Variants in C8orf90 observed in about 807,000 individuals in gnomAD.
The protein encoded by C8orf90 is uncharacterized protein C8orf90.
the C8orf90 span, among the ~76,000 whole-genome samples, chr8:141,515,155 G>A: frequency 3.2e-3 from 237 of 74,112 alleles, no homozygotes; most frequent in Admixed American, 7.9e-3. Context: ...GGCAGTGGGA[G>A]GGGCAGCCAG....
the C8orf90 span, chr8:141,518,571 C>T: frequency 2.3e-6 from 1 of 426,650 alleles, no homozygotes; most frequent in Non-Finnish European, 4.0e-6. Context: ...GCTGCGCCCG[C>T]GCGCGGGGCC....
At chr8:141,516,463 A>G in the C8orf90 span, among the ~76,000 whole-genome samples, 1 of 151,938 alleles carries the variant, frequency 6.6e-6, no homozygotes, top group African/African-American at 2.4e-5. Flanking sequence ...GGTCACTTGG[A>G]CTCATTTGAT....
At chr8:141,518,076 C>T in the C8orf90 span, 6 of 512,564 alleles carry the variant, frequency 1.2e-5, no homozygotes, top group Non-Finnish European at 2.0e-5. Flanking sequence ...CCATCCCCAG[C>T]TCTGCCTTTC....
chr8:141,514,733 G>A, the C8orf90 span: 7 of 701,766 alleles, frequency 1.0e-5, no homozygotes, highest in Non-Finnish European at 1.8e-5. Context: ...CAGCCCAGCA[G>A]GTCTGCCCCC....
the C8orf90 span, among the ~76,000 whole-genome samples, chr8:141,514,963 C>A: frequency 6.6e-6 from 1 of 152,028 alleles, no homozygotes; most frequent in African/African-American, 2.4e-5. Flanking sequence ...AAAGGTCCTT[C>A]TCCTCCCTAC....
the C8orf90 span, among the ~76,000 whole-genome samples, chr8:141,517,006 C>A: frequency 1.3e-5 from 2 of 152,202 alleles, no homozygotes; most frequent in Non-Finnish European, 2.9e-5. Context: ...AGCCTGCCTG[C>A]CACACAGTAG....
the C8orf90 span, among the ~76,000 whole-genome samples, chr8:141,515,837 C>T: frequency 1.3e-5 from 2 of 152,352 alleles, no homozygotes; most frequent in Admixed American, 6.5e-5. Flanking sequence ...CTGCACTTGG[C>T]TTCAGCAGCA....
chr8:141,515,994 A>C, the C8orf90 span, among the ~76,000 whole-genome samples: 2 of 152,116 alleles, frequency 1.3e-5, no homozygotes, highest in East Asian at 3.9e-4. Context: ...GAGAAGCTGA[A>C]GGCATTGGAA....
the C8orf90 span, chr8:141,518,310 C>T: frequency 1.5e-6 from 1 of 668,614 alleles, no homozygotes; most frequent in Non-Finnish European, 2.7e-6. Context: ...GGCGCGCCTA[C>T]CGCGCGCTGG....
At chr8:141,514,839 G>A in the C8orf90 span, 1 of 685,260 alleles carries the variant, frequency 1.5e-6, no homozygotes, top group Non-Finnish European at 2.7e-6. Context: ...TGTGGGAGCA[G>A]GAAGCGGCCC....
At chr8:141,517,898 C>T in the C8orf90 span, among the ~76,000 whole-genome samples, 1 of 152,184 alleles carries the variant, frequency 6.6e-6, no homozygotes, top group Admixed American at 6.5e-5. Context: ...CACGTGGTCA[C>T]GCTGGCCAAA....
chr8:141,518,099 C>A, the C8orf90 span: 2 of 511,640 alleles, frequency 3.9e-6, no homozygotes, highest in Admixed American at 4.3e-5. Context: ...GCTCATTCGG[C>A]GGCTCCTTCC....
the C8orf90 span, chr8:141,518,683 C>G: frequency 1.8e-6 from 1 of 540,998 alleles, no homozygotes; most frequent in South Asian, 2.3e-5. Context: ...GCCCAGGCCC[C>G]GCCGCTGCCC....
the C8orf90 span, chr8:141,514,806 C>T: frequency 5.5e-5 from 38 of 695,590 alleles, no homozygotes; most frequent in Admixed American, 1.6e-4. Flanking sequence ...GGAAGGGGGA[C>T]GGGGCACCTG....
chr8:141,518,682 C>A, the C8orf90 span: 1 of 540,940 alleles, frequency 1.8e-6, no homozygotes, highest in South Asian at 2.3e-5. Context: ...GGCCCAGGCC[C>A]CGCCGCTGCC....
At chr8:141,517,735 C>T in the C8orf90 span, among the ~76,000 whole-genome samples, 1 of 152,186 alleles carries the variant, frequency 6.6e-6, no homozygotes, top group Non-Finnish European at 1.5e-5. Context: ...ATCTTGTCCT[C>T]CCCTGGATCT....
At chr8:141,514,736 C>T in the C8orf90 span, 1 of 701,712 alleles carries the variant, frequency 1.4e-6, no homozygotes, top group Non-Finnish European at 2.6e-6. Context: ...CCCAGCAGGT[C>T]TGCCCCCTCC....
At chr8:141,518,358 G>T in the C8orf90 span, 1 of 677,464 alleles carries the variant, frequency 1.5e-6, no homozygotes, top group Admixed American at 2.1e-5. Flanking sequence ...TGCTCACCGA[G>T]AACTTCACGC....
the C8orf90 span, among the ~76,000 whole-genome samples, chr8:141,515,042 T>A: frequency 6.6e-6 from 1 of 151,814 alleles, no homozygotes; most frequent in Non-Finnish European, 1.5e-5. Context: ...AGCCTTTGGA[T>A]CTATGGACCT....
Sources: allele counts gnomAD v4.1 joint callset (sites outside exome capture counted in the v4.1 genomes callset), GRCh38; gene constraint gnomAD v4.1.1; transcripts MANE v1.5; gene names NCBI Gene and HGNC (gene_info 2026-07-23, HGNC 2026-07-21).